The following NTRK2 variants were observed in gnomAD, a reference collection of about 807,000 sequenced individuals.
NTRK2 encodes the protein BDNF/NT-3 growth factors receptor.
In NTRK2, 13 loss-of-function variants were observed where a neutral mutation model predicts 94.5. The observed-to-expected ratio is 0.14, with a 90% CI of 0.09 to 0.22. The LOEUF is 0.22. Ranked by LOEUF, NTRK2 falls within the 10% of genes least tolerant of loss-of-function variation. NTRK2 has a pLI of 1.00. For missense variants in NTRK2, 639 were observed against 1,071.2 expected (o/e 0.60, Z 5.63); for synonymous variants, 372 against 407.4 (o/e 0.91, Z 1.05).
At chr9:84,814,773 G>T (rs924578961) in intron 12 of NTRK2, 1 of 1,064,184 alleles carries the variant, frequency 9.4e-7, no homozygotes. Context: ...TCTAGCATAG[G>T]GTCTCTCAGG....
chr9:84,915,110 G>A (rs1227720517), intron 14 of NTRK2, among the ~76,000 whole-genome samples: 5 of 152,126 alleles, frequency 3.3e-5, no homozygotes, highest in Admixed American at 6.5e-5. Flanking sequence ...ATCTAATGCC[G>A]CTGCCGATCT....
intron 17 of NTRK2, among the ~76,000 whole-genome samples, chr9:84,973,689 C>A (rs2133161652): frequency 6.6e-6 from 1 of 152,308 alleles, no homozygotes; most frequent in Admixed American, 6.5e-5. Flanking sequence ...CACACTAACC[C>A]TCCCTGGGCC....
chr9:84,906,421 C>T (rs2077077477), intron 14 of NTRK2, among the ~76,000 whole-genome samples: 1 of 152,176 alleles, frequency 6.6e-6, no homozygotes, highest in African/African-American at 2.4e-5. Context: ...AGTGACCTTG[C>T]AGAGCAGCTT....
At chr9:84,995,755 A>G (rs1829679161) in intron 17 of NTRK2, among the ~76,000 whole-genome samples, 1 of 152,238 alleles carries the variant, frequency 6.6e-6, no homozygotes, top group South Asian at 2.1e-4. Context: ...CACTAAGGAC[A>G]TACCACCTTT....
chr9:84,829,587 C>T (rs189979028), intron 12 of NTRK2, among the ~76,000 whole-genome samples: 221 of 152,216 alleles, frequency 1.5e-3, no homozygotes, highest in African/African-American at 5.1e-3. Flanking sequence ...TGTCTGTTGG[C>T]CTCTTAAGGG....
chr9:84,756,450 G>T (rs10512153), intron 12 of NTRK2, among the ~76,000 whole-genome samples: 3,940 of 152,284 alleles, frequency 0.026, 75 homozygotes, highest in Admixed American at 0.046. Context: ...TGGCATTGAT[G>T]GTGTACAGGG....
At chr9:84,796,855 A>G (rs1178153195) in intron 12 of NTRK2, among the ~76,000 whole-genome samples, 1 of 152,198 alleles carries the variant, frequency 6.6e-6, no homozygotes, top group East Asian at 1.9e-4. Flanking sequence ...GATGAATCAT[A>G]TAATCTTAAA....
In NTRK2 at chr9:84,774,916, A is replaced by G. The variant is rs537289937; in HGVS notation, c.1396+22831A>G. 6.6e-5 allele frequency among the ~76,000 whole-genome samples: 10 copies of G among 152,346 alleles called. No individual in the cohort carries two copies. The East Asian group carries it at 1.7e-3, about 26-fold the overall frequency. The stretch of plus-strand genomic sequence containing the variant: ...TTAGGAAGGAAAAAAGAAGACAAAA[A>G]GAAAAAAAGACAGTGGTGGAAGGAA... On this transcript the variant is annotated intron_variant, in intron 12 of 18. Transcript: ENST00000277120.
intron 14 of NTRK2, among the ~76,000 whole-genome samples, chr9:84,906,379 A>T (rs1587890155): frequency 6.6e-6 from 1 of 152,250 alleles, no homozygotes; most frequent in Middle Eastern, 3.4e-3. Context: ...GGCATGTGAG[A>T]GAAAAAGTGT....
intron 17 of NTRK2, among the ~76,000 whole-genome samples, chr9:84,990,803 G>C (rs1828959373): frequency 6.6e-6 from 1 of 152,176 alleles, no homozygotes; most frequent in Admixed American, 6.5e-5. Context: ...GAAGAAAAGA[G>C]ACCTGAAGGA....
At chr9:84,842,627 C>T (rs1459136555) in intron 12 of NTRK2, among the ~76,000 whole-genome samples, 5 of 152,134 alleles carry the variant, frequency 3.3e-5, no homozygotes, top group Non-Finnish European at 7.3e-5. Flanking sequence ...CATGGGTGCT[C>T]CCATCTCCCT....
At chr9:84,978,672 G>A (rs1564520436) in intron 17 of NTRK2, among the ~76,000 whole-genome samples, 1 of 152,182 alleles carries the variant, frequency 6.6e-6, no homozygotes. Flanking sequence ...AGACAAAACA[G>A]CCTTCTATTG....
intron 12 of NTRK2, among the ~76,000 whole-genome samples, chr9:84,817,635 CT>C (rs1372409536): frequency 6.6e-6 from 1 of 152,150 alleles, no homozygotes; most frequent in African/African-American, 2.4e-5. Context: ...AATGCATTAA[CT>C]TTACTTTTTG....
At position 84,745,536 on chromosome 9, in the gene NTRK2, A is replaced by G. The variant is rs140535834; in HGVS notation, c.1296+463A>G. 6.8e-3 allele frequency among the ~76,000 whole-genome samples: 1,041 copies of G among 152,314 alleles called. 22 individuals carry two copies. The highest frequency in any genetic ancestry group is 0.037 in the Admixed American group (565 of 15,304). ...AATTCATCAGAGACCCTGGAGGTGA[A>G]TATTAGCACCTCAAATACAAATAGA... On this transcript the variant is annotated intron_variant, in intron 11 of 18. Transcript: ENST00000277120.
intron 12 of NTRK2, among the ~76,000 whole-genome samples, chr9:84,857,001 G>A (rs2075095819): frequency 6.6e-6 from 1 of 152,042 alleles, no homozygotes; most frequent in Non-Finnish European, 1.5e-5. Context: ...CTTCCACGTT[G>A]CCTGTTCCCA....
chr9:84,798,612 T>C (rs1397495008), intron 12 of NTRK2, among the ~76,000 whole-genome samples: 1 of 152,162 alleles, frequency 6.6e-6, no homozygotes, highest in Admixed American at 6.5e-5. Context: ...AAATGGGCTA[T>C]AGGGTCTCCA....
At chr9:84,706,420 G>A (rs1486611543) in intron 4 of NTRK2, among the ~76,000 whole-genome samples, 1 of 151,954 alleles carries the variant, frequency 6.6e-6, no homozygotes, top group African/African-American at 2.4e-5. Flanking sequence ...AAACACACTA[G>A]GATACTTCAG....
At chr9:84,931,369 T>C (rs2078019990) in intron 14 of NTRK2, among the ~76,000 whole-genome samples, 1 of 150,266 alleles carries the variant, frequency 6.7e-6, no homozygotes, top group Admixed American at 6.7e-5. Context: ...ATTGTTCCAC[T>C]GCACTCCAGC....
chr9:84,689,757 T>A (rs2059933586), intron 2 of NTRK2, among the ~76,000 whole-genome samples: 1 of 152,134 alleles, frequency 6.6e-6, no homozygotes, highest in South Asian at 2.1e-4. Flanking sequence ...TAATTGAAAC[T>A]CTGTACCCTT....
Sources: gnomAD v4.1 joint callset for allele counts (sites outside exome capture counted in the v4.1 genomes callset) on GRCh38, gnomAD v4.1.1 for gene constraint, MANE v1.5 for transcripts, NCBI Gene and HGNC (gene_info 2026-07-23, HGNC 2026-07-21) for gene names.